NRXN1: variants seen among roughly 807,000 people sequenced by gnomAD.
NRXN1 encodes neurexin 1.
Under a neutral mutation model 150.9 loss-of-function variants are expected in NRXN1, and 39 were observed. The ratio of observed to expected loss-of-function variants is 0.26; its 90% CI spans 0.20 to 0.34. NRXN1 has a LOEUF of 0.34. Ranked by LOEUF, NRXN1 falls within the 10% of genes least tolerant of loss-of-function variation. NRXN1 has a pLI of 1.00. For missense variants in NRXN1, 1,815 were observed against 1,949.9 expected, an observed-to-expected ratio of 0.93 and a Z score of 1.30; for synonymous variants, 924 against 757.0, an observed-to-expected ratio of 1.22 and a Z score of -3.62.
At chr2:50,531,116 C>G (rs999395964) in intron 11 of NRXN1, 111 bp downstream of exon 11, 35 of 774,628 alleles carry the variant, frequency 4.5e-5, no homozygotes, top group Admixed American at 2.1e-4. Context: ...GAAATAAGAC[C>G]ATTAAGTGTT....
intron 17 of NRXN1, among the ~76,000 whole-genome samples, chr2:50,405,990 T>A (rs1426555023): frequency 6.6e-6 from 1 of 152,156 alleles, no homozygotes; most frequent in African/African-American, 2.4e-5. Context: ...CACAGATTGG[T>A]AAATCATTTG....
At chr2:50,709,364 AT>A (rs1206792108) in intron 5 of NRXN1, among the ~76,000 whole-genome samples, 1 of 152,198 alleles carries the variant, frequency 6.6e-6, no homozygotes, top group Non-Finnish European at 1.5e-5. Flanking sequence ...ACCAACAATT[AT>A]GATAAGTACA....
rs776291725 is a variant in NRXN1 at position 50,531,288 on chromosome 2, G to C, written c.2286C>G (p.Asp762Glu). Residue 762 changes from aspartate to glutamate, a missense_variant, in exon 11 of 23, where the codon GAC becomes GAG. Coordinates refer to ENST00000401669, the MANE Select transcript of NRXN1 (RefSeq NM_001330078.2). ...GCTCCAGGCGGAGGGTGTCAGCAGA[G>C]TCTCTAGAAGTGGTTGCCATCAGAA... ...YGILMATTSRDSADTLRLELD... is the reference protein window; with the variant it reads ...YGILMATTSRESADTLRLELD... 6.2e-7 allele frequency: 1 copy of C among 1,613,630 alleles called. No homozygotes were observed. The highest frequency in any genetic ancestry group is 2.2e-5 in the East Asian group (1 of 44,850).
chr2:51,014,384 T>C lies in NRXN1; in HGVS notation c.772+13118A>G, dbSNP rs1668351323. On this transcript the variant is annotated intron_variant, in intron 2 of 22. Coordinates refer to ENST00000401669, the MANE Select transcript of NRXN1 (RefSeq NM_001330078.2). Reference sequence around the variant, plus strand: ...AGATAATTGAAGAGGATGCTAACCATATGGATTTTATTTCCACTGAAGACA... The same window carrying C: ...AGATAATTGAAGAGGATGCTAACCACATGGATTTTATTTCCACTGAAGACA... 2.0e-5 allele frequency among the ~76,000 whole-genome samples: 3 copies of C among 152,056 alleles called. No homozygotes were observed. In the South Asian group the frequency reaches 6.2e-4, roughly 31 times the overall value.
chr2:50,380,055 A>C (rs1436557406), intron 17 of NRXN1, among the ~76,000 whole-genome samples: 1 of 152,142 alleles, frequency 6.6e-6, no homozygotes, highest in Non-Finnish European at 1.5e-5. Context: ...ATTTAACATG[A>C]AGTATAAAGC....
At chr2:50,832,473 C>A (rs4971700) in intron 5 of NRXN1, among the ~76,000 whole-genome samples, 85 of 152,082 alleles carry the variant, frequency 5.6e-4, no homozygotes, top group African/African-American at 1.7e-3. Flanking sequence ...GCCAACATGG[C>A]GAAACCTCAT....
At chr2:50,836,913 T>TA (rs1159762809) in intron 5 of NRXN1, among the ~76,000 whole-genome samples, 1 of 149,972 alleles carries the variant, frequency 6.7e-6, no homozygotes, top group African/African-American at 2.5e-5. Flanking sequence ...TTTGTGTAAA[T>TA]TAAAAAAAAA....
intron 17 of NRXN1, among the ~76,000 whole-genome samples, chr2:50,383,601 C>A (rs554528551): frequency 6.6e-6 from 1 of 152,082 alleles, no homozygotes; most frequent in South Asian, 2.1e-4. Context: ...GGCCACACCC[C>A]CTACTATGGC....
rs141292264 is a variant in NRXN1, at chr2:50,474,547, G to A, written c.3071-2076C>T. ...ATTTCCTCAGGAGAACTAAGAGGGA[G>A]CAGTGAGAGCTCTGAAAAGAAATGG... is the stretch of plus-strand genomic sequence containing the variant. On this transcript the variant is annotated intron_variant, in intron 15 of 22. Coordinates refer to ENST00000401669, the MANE Select transcript of NRXN1 (RefSeq NM_001330078.2). 1.3e-3 allele frequency among the ~76,000 whole-genome samples: 194 copies of A among 151,776 alleles called. 1 individual carries two copies. Among genetic ancestry groups the A allele is most frequent in the Non-Finnish European group, 2.5e-3 (170 of 67,892 alleles).
chr2:50,194,440 T>C (rs1574429859), intron 18 of NRXN1, among the ~76,000 whole-genome samples: 3 of 152,206 alleles, frequency 2.0e-5, no homozygotes, highest in Admixed American at 2.0e-4. Context: ...GCTATTTTTA[T>C]GCCAACGTGG....
chr2:50,614,958 A>T (rs1055476441), intron 8 of NRXN1, among the ~76,000 whole-genome samples: 4 of 152,072 alleles, frequency 2.6e-5, no homozygotes, highest in African/African-American at 9.7e-5. Context: ...GGCAGAGGAG[A>T]TCACACAGAT....
intron 5 of NRXN1, among the ~76,000 whole-genome samples, chr2:50,633,185 T>C (rs1357118166): frequency 2.0e-5 from 3 of 152,118 alleles, no homozygotes; most frequent in Non-Finnish European, 4.4e-5. Context: ...ACTGATTCAA[T>C]GAAAACAAAT....
intron 19 of NRXN1, among the ~76,000 whole-genome samples, chr2:50,085,606 T>C (rs1398169387): frequency 6.6e-6 from 1 of 152,038 alleles, no homozygotes; most frequent in Non-Finnish European, 1.5e-5. Context: ...AATTAGTGCT[T>C]ACTAACGAGT....
intron 5 of NRXN1, among the ~76,000 whole-genome samples, chr2:50,743,610 T>C (rs537320327): frequency 9.2e-5 from 14 of 152,322 alleles, no homozygotes; most frequent in African/African-American, 2.9e-4. Flanking sequence ...GAAAATGGAA[T>C]GTCAGTTAAT....
intron 8 of NRXN1, among the ~76,000 whole-genome samples, chr2:50,617,945 C>A (rs1353572901): frequency 6.6e-6 from 1 of 152,140 alleles, no homozygotes; most frequent in African/African-American, 2.4e-5. Context: ...GCAGAATTAT[C>A]AGAAGATTAT....
chr2:50,732,133 G>T (rs1304945646), intron 5 of NRXN1, among the ~76,000 whole-genome samples: 1 of 152,060 alleles, frequency 6.6e-6, no homozygotes, highest in Non-Finnish European at 1.5e-5. Context: ...AGTGTAAAAT[G>T]AGGTAGAAAG....
chr2:50,370,494 T>C (rs377433881), intron 17 of NRXN1, among the ~76,000 whole-genome samples: 10 of 152,052 alleles, frequency 6.6e-5, no homozygotes, highest in East Asian at 3.9e-4. Flanking sequence ...TGTCTGTATG[T>C]ATCTATAAAA....
chr2:50,248,434 C>G (rs1272825092), intron 17 of NRXN1, among the ~76,000 whole-genome samples: 2 of 152,102 alleles, frequency 1.3e-5, no homozygotes, highest in African/African-American at 4.8e-5. Flanking sequence ...AACAGGAGAG[C>G]ATTTAGAGGT....
intron 17 of NRXN1, among the ~76,000 whole-genome samples, chr2:50,248,034 C>T (rs1342168863): frequency 6.6e-6 from 1 of 151,944 alleles, no homozygotes; most frequent in East Asian, 1.9e-4. Flanking sequence ...TTTATTGAGA[C>T]AGAGTCTCAT....
Sources: allele counts gnomAD v4.1 joint callset (sites outside exome capture counted in the v4.1 genomes callset), GRCh38; gene constraint gnomAD v4.1.1; transcripts MANE v1.5; gene names NCBI Gene and HGNC (gene_info 2026-07-23, HGNC 2026-07-21).